The following DAP3 variants were observed in gnomAD, a reference collection of about 807,000 sequenced individuals.
The protein encoded by DAP3 is death associated protein 3, also known as small ribosomal subunit protein mS29.
A neutral mutation model predicts 51.9 loss-of-function variants in DAP3; 28 were observed. The ratio of observed to expected loss-of-function variants is 0.54; its 90% CI spans 0.40 to 0.74. The LOEUF (loss-of-function observed/expected upper bound fraction) is 0.74. Among genes scored for constraint, DAP3 ranks in the 30% least tolerant of loss-of-function variants. The pLI, the probability that DAP3 is intolerant of heterozygous loss-of-function variation, is 0.00. For missense variants in DAP3, 458 were observed against 483.5 expected (o/e 0.95, Z 0.49); for synonymous variants, 170 against 170.3 (o/e 1.00, Z 0.01).
upstream of DAP3, chr1:155,688,882 T>C: frequency 6.2e-7 from 1 of 1,610,978 alleles, no homozygotes; most frequent in Non-Finnish European, 8.5e-7. Flanking sequence ...TGGCTTGCCG[T>C]TTGACTGGAA....
chr1:155,732,162 C>T, intron 11 of DAP3, 129 bp downstream of exon 11: 1 of 652,262 alleles, frequency 1.5e-6, no homozygotes, highest in Non-Finnish European at 2.5e-6. Context: ...ATGCCCTTCC[C>T]CTGGATTCCT....
At chr1:155,697,243 G>A (rs912938624) in intron 1 of DAP3, among the ~76,000 whole-genome samples, 19 of 152,068 alleles carry the variant, frequency 1.2e-4, no homozygotes, top group African/African-American at 4.6e-4. Context: ...TGAGTTTCAG[G>A]CTCCCTCCCC....
At chr1:155,703,637 AAGCAATTCTCCTGCCTCAGCCTCCTG>A (rs1655592656) in intron 1 of DAP3, among the ~76,000 whole-genome samples, 1 of 152,204 alleles carries the variant, frequency 6.6e-6, no homozygotes, top group African/African-American at 2.4e-5. Flanking sequence ...TCCCGGGCTC[AAGCAATTCTCCTGCCTCAGCCTCCTG>A]AGTATCTGGG....
At chr1:155,688,709 C>T (rs992737707), upstream of DAP3, 7 of 1,522,432 alleles carry the variant, frequency 4.6e-6, no homozygotes, top group Non-Finnish European at 5.3e-6. Context: ...TCTCCTCCCC[C>T]TCCCTCCCCG....
intron 1 of DAP3, among the ~76,000 whole-genome samples, chr1:155,695,967 C>A (rs180736131): frequency 1.5e-4 from 23 of 152,240 alleles, no homozygotes; most frequent in Admixed American, 1.3e-3. Context: ...TCAATACATT[C>A]AATAAATTCT....
At chr1:155,720,906 G>A (rs191923429) in intron 3 of DAP3, among the ~76,000 whole-genome samples, 16 of 151,870 alleles carry the variant, frequency 1.1e-4, no homozygotes, top group South Asian at 8.3e-4. Context: ...GCGTGGTGGC[G>A]CGTGCCTGTA....
chr1:155,688,191 G>A (rs188043733), upstream of DAP3: 209 of 1,613,984 alleles, frequency 1.3e-4, 1 homozygote, highest in Admixed American at 4.3e-4. Context: ...GGCGGCCAGC[G>A]GGTAAGCCGA....
chr1:155,708,385 T>A (rs1274789213), intron 1 of DAP3, among the ~76,000 whole-genome samples: 1 of 152,170 alleles, frequency 6.6e-6, no homozygotes, highest in Non-Finnish European at 1.5e-5. Context: ...GCAAAGATAG[T>A]GTATTTTCAA....
At chr1:155,711,382 A>T (rs562573558) in intron 2 of DAP3, among the ~76,000 whole-genome samples, 1 of 152,190 alleles carries the variant, frequency 6.6e-6, no homozygotes, top group African/African-American at 2.4e-5. Flanking sequence ...AATCCCAGCT[A>T]CTTGGGAGGC....
chr1:155,721,994 CTT>C, intron 4 of DAP3: 2 of 287,400 alleles, frequency 7.0e-6, no homozygotes, highest in Non-Finnish European at 1.3e-5. Context: ...TTTTTATTCT[CTT>C]GTGGATTTTG....
Position 155,727,691 on chromosome 1 carries a change from A to T in DAP3, c.556A>T (p.Thr186Ser). 6.2e-7 allele frequency: 1 copy of T among 1,613,864 alleles called. No homozygotes were observed. The highest frequency in any genetic ancestry group is 8.5e-7 in the Non-Finnish European group (1 of 1,179,918). Residue 186 changes from threonine to serine, a missense_variant, in exon 7 of 13, where the codon ACC (threonine) becomes TCC (serine). Physicochemically the swap from Thr to Ser is moderately conservative, Grantham distance 58. Transcript: ENST00000368336. ...CTTTGATCAACCTTTAGAGGCTTCA[A>T]CCTGGCTGAAGAATTTCAAAACTAC... is the stretch of plus-strand genomic sequence containing the variant. ...QRFDQPLEAS[T>S]WLKNFKTTNE... is the part of the protein sequence containing the mutation.
chr1:155,695,757 G>A (rs1024401226), intron 1 of DAP3, among the ~76,000 whole-genome samples: 4 of 152,174 alleles, frequency 2.6e-5, no homozygotes, highest in Admixed American at 1.3e-4. Context: ...ATCATTGCCT[G>A]TAATTTAGCT....
intron 3 of DAP3, among the ~76,000 whole-genome samples, chr1:155,718,685 CAAAA>C (rs550907462): frequency 3.8e-5 from 3 of 79,470 alleles, no homozygotes; most frequent in African/African-American, 1.4e-4. Flanking sequence ...GACTCTGTCT[CAAAA>C]AAAAAAAAAG....
rs113290900 is a variant in DAP3, at chr1:155,721,712, A to T, written c.270+94A>T. ...CTAAATGAGAAGAAAATTTAAAAAG[A>T]TGAAATTTAATCTGAAAAACAGAAA... is the stretch of plus-strand genomic sequence containing the variant. On this transcript the variant is annotated intron_variant, in intron 4 of 12. Coordinates refer to ENST00000368336, the MANE Select transcript of DAP3 (RefSeq NM_004632.4). 7 of 1,205,232 alleles carry T rather than the reference A, an allele frequency of 5.8e-6. No homozygotes were observed. In the African/African-American group the frequency reaches 6.1e-5, roughly 10 times the overall value. 74.7% of individuals were successfully genotyped at this position (1,205,232 alleles called of 1,614,324 possible).
chr1:155,730,911 C>CTACGT lies in DAP3; in HGVS notation c.844-444_844-440dup, dbSNP rs567449354. Among the ~76,000 whole-genome samples, 25 of 152,154 alleles carry CTACGT rather than the reference C, an allele frequency of 1.6e-4. 1 individual carries two copies. In the South Asian group the frequency reaches 4.8e-3, roughly 29 times the overall value. The stretch of plus-strand genomic sequence containing the variant: ...AGCATGGCAGTTCTAGGGCCAGAGG[C>CTACGT]TACGTGGCTTATCCTAGAGGGAGTA... On this transcript the variant is annotated intron_variant, in intron 9 of 12. Coordinates refer to ENST00000368336, the MANE Select transcript of DAP3 (RefSeq NM_004632.4).
chr1:155,724,363 C>A (rs960483861), intron 4 of DAP3, among the ~76,000 whole-genome samples: 1 of 152,020 alleles, frequency 6.6e-6, no homozygotes, highest in African/African-American at 2.4e-5. Flanking sequence ...AGGCCAGGTG[C>A]GGTGGCTCAC....
rs995606802 is a variant in DAP3, at chr1:155,690,778, C to T, written c.-8+1604C>T. Among the ~76,000 whole-genome samples, 28 of 141,980 alleles carry T rather than the reference C, an allele frequency of 2.0e-4. 1 individual carries two copies. The highest frequency in any genetic ancestry group is 2.5e-4 in the Non-Finnish European group (17 of 68,012). The allele number at this position is 141,980 out of a possible 152,430, so 93.1% of individuals were successfully genotyped here. On this transcript the variant is annotated intron_variant, in intron 1 of 12. Coordinates refer to ENST00000368336, the MANE Select transcript of DAP3 (RefSeq NM_004632.4). ...GTTTGCTTTGAGATAGGATCTATGT[C>T]GCCAAGGCTGGAAGGCAGTAGTGCA...
chr1:155,700,178 GC>G (rs1295087657), intron 1 of DAP3, among the ~76,000 whole-genome samples: 3 of 151,952 alleles, frequency 2.0e-5, no homozygotes, highest in Admixed American at 2.0e-4. Context: ...TTCATGATCT[GC>G]CCGCCTTGGC....
chr1:155,688,673 G>A (rs1374154076), upstream of DAP3: 39 of 1,532,184 alleles, frequency 2.5e-5, no homozygotes, highest in Non-Finnish European at 3.3e-5. Flanking sequence ...AGCGGCGCGA[G>A]CCCAAGCCTT....
Sources: gnomAD v4.1 joint callset for allele counts (sites outside exome capture counted in the v4.1 genomes callset) on GRCh38, gnomAD v4.1.1 for gene constraint, MANE v1.5 for transcripts, NCBI Gene and HGNC (gene_info 2026-07-23, HGNC 2026-07-21) for gene names.